The following PPHLN1 variants were observed in gnomAD, a reference collection of about 807,000 sequenced individuals.
The protein encoded by PPHLN1 is periphilin-1.
Under a neutral mutation model 51.3 loss-of-function variants are expected in PPHLN1, and 29 were observed. The observed-to-expected ratio is 0.57, with a 90% CI of 0.42 to 0.77. The LOEUF is 0.77. PPHLN1 is among the 30% of genes least tolerant of loss of function. PPHLN1 has a pLI of 0.00. For missense variants in PPHLN1, 436 were observed against 438.4 expected, an observed-to-expected ratio of 0.99 and a Z score of 0.05; for synonymous variants, 147 against 147.8, an observed-to-expected ratio of 0.99 and a Z score of 0.04.
chr12:42,411,187 C>G (rs1318426109), intron 9 of PPHLN1, among the ~76,000 whole-genome samples: 1 of 151,786 alleles, frequency 6.6e-6, no homozygotes, highest in African/African-American at 2.4e-5. Flanking sequence ...TTGTGAAAGA[C>G]TATCTCTAAG....
chr12:42,342,433 A>G (rs567056224), intron 2 of PPHLN1, among the ~76,000 whole-genome samples: 2 of 152,286 alleles, frequency 1.3e-5, no homozygotes, highest in Non-Finnish European at 2.9e-5. Context: ...AATGGCTTTT[A>G]AATACATGTA....
At chr12:42,351,101 A>G (rs1592305422) in intron 2 of PPHLN1, among the ~76,000 whole-genome samples, 1 of 149,722 alleles carries the variant, frequency 6.7e-6, no homozygotes, top group African/African-American at 2.5e-5. Context: ...GTTTTTTTTT[A>G]ACATATATCT....
At chr12:42,349,306 A>C (rs1485726624) in intron 2 of PPHLN1, among the ~76,000 whole-genome samples, 2 of 152,240 alleles carry the variant, frequency 1.3e-5, no homozygotes, top group Non-Finnish European at 2.9e-5. Flanking sequence ...TCACAGTGCC[A>C]TGAGGTAGGT....
At chr12:42,373,578 T>C (rs189991364) in intron 4 of PPHLN1, among the ~76,000 whole-genome samples, 273 of 152,352 alleles carry the variant, frequency 1.8e-3, no homozygotes, top group Middle Eastern at 3.4e-3. Flanking sequence ...GTCTGAAATT[T>C]AGTATTCTTT....
At chr12:42,445,927 T>C, downstream of PPHLN1, 6 of 1,453,362 alleles carry the variant, frequency 4.1e-6, no homozygotes, top group Non-Finnish European at 4.5e-6. Flanking sequence ...TCCAAATGTT[T>C]TGCTAACATG....
chr12:42,441,990 A>T lies in PPHLN1; in HGVS notation c.*481A>T, dbSNP rs2083004280. On this transcript the variant is annotated 3_prime_UTR_variant, in exon 10 of 10. Transcript: ENST00000358314. Reference sequence around the variant, plus strand: ...TTGCTTTGAGAGTAATTCTCATTCAATGATAAAATAGAGCACTTAAATCTC... The same window carrying T: ...TTGCTTTGAGAGTAATTCTCATTCATTGATAAAATAGAGCACTTAAATCTC... The T allele has an allele frequency of 1.0e-6, 1 of 963,320 alleles. No homozygotes were observed. The highest frequency in any genetic ancestry group is 1.2e-6 in the Non-Finnish European group (1 of 809,636). 59.7% of individuals were successfully genotyped at this position (963,320 alleles called of 1,614,324 possible). A position where few individuals can be genotyped will look rare whatever the true frequency, so the allele number is the denominator to read the frequency against.
At chr12:42,431,112 C>G (rs928515694) in intron 9 of PPHLN1, among the ~76,000 whole-genome samples, 8 of 152,158 alleles carry the variant, frequency 5.3e-5, no homozygotes, top group Non-Finnish European at 1.0e-4. Flanking sequence ...AAATATCACC[C>G]AGTGTCCCTG....
chr12:42,332,781 A>G, intron 1 of PPHLN1: 1 of 798,992 alleles, frequency 1.3e-6, no homozygotes, highest in South Asian at 2.1e-5. Flanking sequence ...TTAATATTTC[A>G]GTATTAAACT....
chr12:42,419,165 G>C (rs1163125452), intron 9 of PPHLN1, among the ~76,000 whole-genome samples: 1 of 152,132 alleles, frequency 6.6e-6, no homozygotes, highest in Non-Finnish European at 1.5e-5. Context: ...TTCCCTGTCA[G>C]CTCATTAATA....
At chr12:42,374,357 A>G (rs1206928310) in intron 4 of PPHLN1, among the ~76,000 whole-genome samples, 5 of 152,206 alleles carry the variant, frequency 3.3e-5, no homozygotes, top group Admixed American at 3.3e-4. Flanking sequence ...TACATTCTAA[A>G]TCATATTTCA....
In PPHLN1 at chr12:42,423,446, G is replaced by C. The variant is rs2081172673; in HGVS notation, c.910-17869G>C. ...AGTTATGAGTAATACCTTTCTTCTG[G>C]AAAGAAAAAACGCATCTTGGAAGTA... On this transcript the variant is annotated intron_variant, in intron 9 of 9. Transcript: ENST00000358314. Among the ~76,000 whole-genome samples, 7 of 151,994 alleles carry C rather than the reference G, an allele frequency of 4.6e-5. No homozygotes were observed. In the South Asian group the frequency reaches 1.5e-3, roughly 32 times the overall value.
intron 2 of PPHLN1, among the ~76,000 whole-genome samples, chr12:42,338,004 G>A (rs1224688781): frequency 2.0e-5 from 3 of 151,932 alleles, no homozygotes; most frequent in Non-Finnish European, 4.4e-5. Flanking sequence ...GGCCGGTCTC[G>A]AATTCCTGAC....
downstream of PPHLN1, chr12:42,447,612 ACT>A (rs972347521): frequency 6.6e-6 from 1 of 151,492 alleles, no homozygotes; most frequent in Non-Finnish European, 1.5e-5. Context: ...AAACTTTAAA[ACT>A]CATGTTTGTT....
intron 4 of PPHLN1, among the ~76,000 whole-genome samples, chr12:42,360,235 G>T (rs1310924277): frequency 6.6e-6 from 1 of 151,788 alleles, no homozygotes; most frequent in African/African-American, 2.4e-5. Context: ...TTGAATCTGG[G>T]CTCATAAATC....
intron 1 of PPHLN1, among the ~76,000 whole-genome samples, chr12:42,329,008 C>T (rs546461697): frequency 6.6e-6 from 1 of 152,208 alleles, no homozygotes; most frequent in Non-Finnish European, 1.5e-5. Context: ...GCCACCGCAC[C>T]CAGCCCCAGC....
intron 9 of PPHLN1, among the ~76,000 whole-genome samples, chr12:42,404,299 C>CG (rs2079093818): frequency 6.6e-6 from 1 of 152,064 alleles, no homozygotes; most frequent in Non-Finnish European, 1.5e-5. Flanking sequence ...GGGGCCCAGG[C>CG]GGGTGGATCA....
chr12:42,399,531 G>A lies in PPHLN1; in HGVS notation c.909+537G>A, dbSNP rs1311970265. 1.9e-5 allele frequency: 13 copies of A among 690,950 alleles called. No individual in the cohort carries two copies. In the South Asian group the frequency reaches 8.5e-4, roughly 45 times the overall value. 42.8% of individuals were successfully genotyped at this position (690,950 alleles called of 1,614,324 possible). ...GATTAAATGAAGTAAATGTGAAAGG[G>A]TTTTATAAAATGTAACATTTTGTAC... On this transcript the variant is annotated intron_variant, in intron 9 of 9. Coordinates refer to ENST00000358314, the MANE Select transcript of PPHLN1 (RefSeq NM_201439.2).
At chr12:42,412,789 G>T (rs1386538512) in intron 9 of PPHLN1, among the ~76,000 whole-genome samples, 1 of 152,012 alleles carries the variant, frequency 6.6e-6, no homozygotes, top group Non-Finnish European at 1.5e-5. Context: ...CAACATTATT[G>T]TTTTTTGACT....
At chr12:42,436,455 A>G (rs982838010) in intron 9 of PPHLN1, among the ~76,000 whole-genome samples, 16 of 152,208 alleles carry the variant, frequency 1.1e-4, no homozygotes, top group African/African-American at 2.9e-4. Flanking sequence ...TCATGTACTT[A>G]ACTTCCTATT....
Sources: allele counts gnomAD v4.1 joint callset (sites outside exome capture counted in the v4.1 genomes callset), GRCh38; gene constraint gnomAD v4.1.1; transcripts MANE v1.5; gene names NCBI Gene and HGNC (gene_info 2026-07-23, HGNC 2026-07-21).